Variants in UGT1A8 observed in about 807,000 individuals in gnomAD.
UGT1A8 encodes the protein UDP-glucuronosyltransferase 1A8.
UGT1A8 carries 39 observed loss-of-function variants against 45.3 expected under a neutral mutation model. The observed-to-expected ratio is 0.86, with a 90% CI of 0.67 to 1.12. UGT1A8 has a LOEUF of 1.12. Among genes scored for constraint, UGT1A8 ranks in the 50% most tolerant of loss-of-function variants. UGT1A8 has a pLI of 0.00. For synonymous variants in UGT1A8, 275 were observed against 249.2 expected (o/e 1.10, Z -0.97); for missense variants, 719 against 664.9 (o/e 1.08, Z -0.90).
intron 1 of UGT1A8, among the ~76,000 whole-genome samples, chr2:233,724,108 C>G (rs1455095780): frequency 1.8e-5 from 1 of 55,862 alleles, no homozygotes. Flanking sequence ...TAGGGGCGGC[C>G]GGGCAGAGGC....
Position 233,769,407 on chromosome 2 carries a change from G to C in UGT1A8, c.1295+968G>C. The C allele has an allele frequency of 7.8e-7, 1 of 1,286,632 alleles. No individual in the cohort carries two copies. The highest frequency in any genetic ancestry group is 1.1e-6 in the Non-Finnish European group (1 of 907,224). The allele number at this position is 1,286,632 out of a possible 1,614,324, so 79.7% of individuals were successfully genotyped here. ...ATAGATACTGTGTGCATATGTGCGT[G>C]TGCGTTTGTGCATGTGGCTGTGCTC... On this transcript the variant is annotated intron_variant, in intron 4 of 4. Transcript: ENST00000373450. The surrounding 1 kb of genome is among the most constrained non-coding windows in gnomAD (Gnocchi z 4.4).
At chr2:233,695,420 G>A (rs1281215044) in intron 1 of UGT1A8, among the ~76,000 whole-genome samples, 2 of 138,292 alleles carry the variant, frequency 1.4e-5, no homozygotes, top group African/African-American at 2.6e-5. Context: ...TACCGCGCCC[G>A]GCCTTCTTCT....
chr2:233,713,281 C>G (rs763148643), intron 1 of UGT1A8: 16 of 1,614,240 alleles, frequency 9.9e-6, no homozygotes, highest in Non-Finnish European at 1.3e-5. Context: ...CTGGGTCACA[C>G]TCAATCGTTC....
chr2:233,673,817 T>A (rs1433615483), intron 1 of UGT1A8, among the ~76,000 whole-genome samples: 1 of 152,212 alleles, frequency 6.6e-6, no homozygotes, highest in African/African-American at 2.4e-5. Flanking sequence ...ACTTATCTTA[T>A]TATTTTGTAG....
intron 1 of UGT1A8, among the ~76,000 whole-genome samples, chr2:233,737,837 G>A (rs2125811418): frequency 6.6e-6 from 1 of 152,130 alleles, no homozygotes; most frequent in South Asian, 2.1e-4. Flanking sequence ...GGGAACTGTG[G>A]CACAGGTCAC....
chr2:233,672,888 A>C, intron 1 of UGT1A8: 1 of 1,512,682 alleles, frequency 6.6e-7, no homozygotes, highest in Non-Finnish European at 8.8e-7. Flanking sequence ...CATTTGTTTC[A>C]TTTCAAATTT....
rs199541495 is a variant in UGT1A8 at position 233,713,270 on chromosome 2, G to A, written c.856-53764G>A. ...CCCAGGACGAATTTGATCGCCTTTT[G>A]CTGGGTCACACTCAATCGTTCTTTG... On this transcript the variant is annotated intron_variant, in intron 1 of 4. Coordinates refer to ENST00000373450, the MANE Select transcript of UGT1A8 (RefSeq NM_019076.5). 2.5e-6 allele frequency: 4 copies of A among 1,614,126 alleles called. No homozygotes were observed. In the African/African-American group the frequency reaches 5.3e-5, roughly 22 times the overall value.
intron 1 of UGT1A8, among the ~76,000 whole-genome samples, chr2:233,642,825 C>G (rs2125465451): frequency 6.6e-6 from 1 of 152,304 alleles, no homozygotes; most frequent in African/African-American, 2.4e-5. Flanking sequence ...TGGATTCCAG[C>G]ACATACTCTT....
intron 1 of UGT1A8, chr2:233,637,113 C>A (rs1489757510): frequency 1.9e-6 from 3 of 1,613,838 alleles, no homozygotes; most frequent in Non-Finnish European, 2.5e-6. Flanking sequence ...TCTTAGGGTT[C>A]TCAGATGCCA....
At chr2:233,707,194 T>C (rs1446622222) in intron 1 of UGT1A8, among the ~76,000 whole-genome samples, 1 of 152,148 alleles carries the variant, frequency 6.6e-6, no homozygotes, top group Non-Finnish European at 1.5e-5. Context: ...TGCCCTCCGT[T>C]CTATTCCCTT....
intron 1 of UGT1A8, among the ~76,000 whole-genome samples, chr2:233,664,514 C>T (rs2074036071): frequency 6.6e-6 from 1 of 152,202 alleles, no homozygotes. Flanking sequence ...AAGCATGGCG[C>T]TGCCATCTGT....
chr2:233,681,129 G>T (rs1682308807), intron 1 of UGT1A8, among the ~76,000 whole-genome samples: 1 of 151,676 alleles, frequency 6.6e-6, no homozygotes, highest in South Asian at 2.1e-4. Context: ...CAGAGACACA[G>T]GTGAGCCGCA....
At chr2:233,645,259 C>A (rs1003606091) in intron 1 of UGT1A8, among the ~76,000 whole-genome samples, 1 of 152,132 alleles carries the variant, frequency 6.6e-6, no homozygotes, top group African/African-American at 2.4e-5. Flanking sequence ...ATTTTCCCAC[C>A]AGGATCCTCC....
chr2:233,676,739 C>T (rs972827533), intron 1 of UGT1A8, among the ~76,000 whole-genome samples: 1 of 152,078 alleles, frequency 6.6e-6, no homozygotes, highest in Non-Finnish European at 1.5e-5. Context: ...ATGTTTTCAT[C>T]GTGGTAAAAC....
intron 1 of UGT1A8, among the ~76,000 whole-genome samples, chr2:233,653,934 G>A (rs2073795848): frequency 6.6e-6 from 1 of 152,180 alleles, no homozygotes; most frequent in African/African-American, 2.4e-5. Context: ...ATGTACAAAA[G>A]GGACATCTCT....
At chr2:233,717,787 T>C (rs749121467) in intron 1 of UGT1A8, 7 of 456,322 alleles carry the variant, frequency 1.5e-5, no homozygotes, top group Admixed American at 2.3e-5. Context: ...ATTTTGAAAT[T>C]TGAAGTAGTG....
intron 1 of UGT1A8, chr2:233,693,758 G>A: frequency 6.2e-7 from 1 of 1,614,234 alleles, no homozygotes; most frequent in Non-Finnish European, 8.5e-7. Flanking sequence ...GAAGGTCTCT[G>A]TTTGGCTGTT....
At chr2:233,757,576 G>A (rs1017226223) in intron 1 of UGT1A8, among the ~76,000 whole-genome samples, 2 of 82,708 alleles carry the variant, frequency 2.4e-5, no homozygotes, top group African/African-American at 1.1e-4. Flanking sequence ...ATATGATATA[G>A]CTATAGTCTA....
chr2:233,726,010 C>A (rs575189558), intron 1 of UGT1A8, among the ~76,000 whole-genome samples: 58 of 152,004 alleles, frequency 3.8e-4, no homozygotes, highest in African/African-American at 1.2e-3. Context: ...TACAAAAAAT[C>A]AAAAAATTAT....
Sources: allele counts gnomAD v4.1 joint callset (sites outside exome capture counted in the v4.1 genomes callset), GRCh38; gene constraint gnomAD v4.1.1; non-coding constraint Gnocchi (gnomAD v3.1); transcripts MANE v1.5; gene names NCBI Gene and HGNC (gene_info 2026-07-23, HGNC 2026-07-21).